GSK3B: variants seen among roughly 807,000 people sequenced by gnomAD.
GSK3B encodes the protein glycogen synthase kinase 3 beta.
A neutral mutation model predicts 56.4 loss-of-function variants in GSK3B; 15 were observed. The observed-to-expected ratio is 0.27, with a 90% CI of 0.18 to 0.41. GSK3B has a LOEUF of 0.41. Ranked by LOEUF, GSK3B falls within the 10% of genes least tolerant of loss-of-function variation. GSK3B has a pLI of 1.00. For synonymous variants in GSK3B, 181 were observed against 188.9 expected (o/e 0.96, Z 0.34); for missense variants, 300 against 513.4 (o/e 0.58, Z 4.02).
chr3:119,877,497 GA>G (rs1292141092), intron 7 of GSK3B, among the ~76,000 whole-genome samples: 1 of 151,952 alleles, frequency 6.6e-6, no homozygotes, highest in Non-Finnish European at 1.5e-5. Context: ...GTTATTTTCT[GA>G]ATATTTTTGA....
intron 3 of GSK3B, among the ~76,000 whole-genome samples, chr3:119,928,049 T>C (rs903508294): frequency 3.3e-5 from 5 of 152,178 alleles, no homozygotes; most frequent in Non-Finnish European, 7.3e-5. Flanking sequence ...AAAAGAGGTT[T>C]CAGACCATGG....
At chr3:119,929,859 C>T (rs2056925856) in intron 3 of GSK3B, among the ~76,000 whole-genome samples, 1 of 151,254 alleles carries the variant, frequency 6.6e-6, no homozygotes, top group South Asian at 2.1e-4. Flanking sequence ...TGAGATCACG[C>T]CATTGCACCC....
intron 7 of GSK3B, among the ~76,000 whole-genome samples, chr3:119,890,359 G>A (rs1478301111): frequency 3.3e-5 from 5 of 151,936 alleles, no homozygotes; most frequent in African/African-American, 1.2e-4. Flanking sequence ...CAAAAACATG[G>A]TACTGAGCAA....
At chr3:120,044,200 GT>G (rs2058085209) in intron 1 of GSK3B, among the ~76,000 whole-genome samples, 1 of 152,132 alleles carries the variant, frequency 6.6e-6, no homozygotes, top group Admixed American at 6.5e-5. Flanking sequence ...CACCCTGTGG[GT>G]CAGCCCCCAA....
chr3:119,882,975 T>C (rs950056824), intron 7 of GSK3B, among the ~76,000 whole-genome samples: 2 of 152,172 alleles, frequency 1.3e-5, no homozygotes, highest in Non-Finnish European at 2.9e-5. Context: ...ATTGTTGGTG[T>C]ATTCACTATA....
At chr3:119,958,981 T>A (rs1306058824) in intron 2 of GSK3B, among the ~76,000 whole-genome samples, 22 of 152,104 alleles carry the variant, frequency 1.4e-4, no homozygotes, top group Admixed American at 1.4e-3. Context: ...AACTAAAACC[T>A]CTGGTTACTG....
chr3:119,971,968 T>A (rs1428031487), intron 2 of GSK3B, among the ~76,000 whole-genome samples: 1 of 152,198 alleles, frequency 6.6e-6, no homozygotes, highest in Non-Finnish European at 1.5e-5. Context: ...AAATTAAACT[T>A]ATTTTCTTAA....
At chr3:120,004,875 A>G (rs943559369) in intron 1 of GSK3B, among the ~76,000 whole-genome samples, 2 of 152,186 alleles carry the variant, frequency 1.3e-5, no homozygotes, top group African/African-American at 2.4e-5. Flanking sequence ...TCTCCTCCAA[A>G]GAAACACAAC....
At chr3:119,840,344 C>T (rs1161602294) in intron 10 of GSK3B, among the ~76,000 whole-genome samples, 1 of 151,912 alleles carries the variant, frequency 6.6e-6, no homozygotes, top group Non-Finnish European at 1.5e-5. Context: ...CTTGCCTTAA[C>T]CTCCTGAGTA....
At chr3:119,951,043 T>C (rs556479117) in intron 2 of GSK3B, among the ~76,000 whole-genome samples, 4 of 152,124 alleles carry the variant, frequency 2.6e-5, no homozygotes, top group Admixed American at 6.5e-5. Context: ...GTAGTCCCAG[T>C]TAGAGAAAAT....
At chr3:120,009,889 G>A (rs1576268513) in intron 1 of GSK3B, among the ~76,000 whole-genome samples, 1 of 151,812 alleles carries the variant, frequency 6.6e-6, no homozygotes, top group African/African-American at 2.4e-5. Context: ...AGCAATGAGG[G>A]ATTCCTTCAT....
intron 2 of GSK3B, among the ~76,000 whole-genome samples, chr3:119,990,221 C>T (rs955876917): frequency 3.3e-5 from 5 of 152,004 alleles, no homozygotes; most frequent in African/African-American, 9.7e-5. Flanking sequence ...CCCTCCTGGC[C>T]GGAAAGATGT....
At chr3:119,943,929 T>C (rs2057074255) in intron 3 of GSK3B, among the ~76,000 whole-genome samples, 1 of 151,524 alleles carries the variant, frequency 6.6e-6, no homozygotes, top group Admixed American at 6.6e-5. Flanking sequence ...ACTTGGAGCC[T>C]ACAGTGAAAG....
chr3:119,970,244 G>A (rs1427256432), intron 2 of GSK3B, among the ~76,000 whole-genome samples: 1 of 152,174 alleles, frequency 6.6e-6, no homozygotes, highest in Non-Finnish European at 1.5e-5. Context: ...TCTCAGATAA[G>A]GGGCGGGGGA....
chr3:120,072,827 G>T (rs1365002886), intron 1 of GSK3B, among the ~76,000 whole-genome samples: 1 of 152,096 alleles, frequency 6.6e-6, no homozygotes, highest in African/African-American at 2.4e-5. Context: ...AAATAATAAG[G>T]ACAGAGGCAG....
At chr3:119,916,289 T>C in intron 4 of GSK3B, 115 bp from the exon 5 acceptor site, 1 of 774,798 alleles carries the variant, frequency 1.3e-6, no homozygotes, top group Non-Finnish European at 2.1e-6. Flanking sequence ...TGCTATGGAT[T>C]ACTGGCACTC....
intron 3 of GSK3B, among the ~76,000 whole-genome samples, chr3:119,926,249 A>G (rs1212398130): frequency 6.6e-6 from 1 of 151,838 alleles, no homozygotes; most frequent in Non-Finnish European, 1.5e-5. Context: ...AGTATATCCA[A>G]CTGTGTATCT....
At chr3:119,832,222 T>C (rs541117597) in intron 10 of GSK3B, among the ~76,000 whole-genome samples, 93 of 152,332 alleles carry the variant, frequency 6.1e-4, no homozygotes, top group Non-Finnish European at 1.1e-3. Context: ...GGGCCACTTA[T>C]TGAGTGACTG....
intron 1 of GSK3B, among the ~76,000 whole-genome samples, chr3:120,089,064 C>T (rs752200716): frequency 1.3e-5 from 2 of 152,194 alleles, no homozygotes; most frequent in Non-Finnish European, 2.9e-5. Context: ...CTCACACCTG[C>T]AACTCAATTC....
Sources: gnomAD v4.1 joint callset for allele counts (sites outside exome capture counted in the v4.1 genomes callset) on GRCh38, gnomAD v4.1.1 for gene constraint, MANE v1.5 for transcripts, NCBI Gene and HGNC (gene_info 2026-07-23, HGNC 2026-07-21) for gene names.